Variants in NR4A3 observed in about 807,000 individuals in gnomAD.
The protein encoded by NR4A3 is nuclear receptor subfamily 4 group A member 3, also known as chondrosarcoma, extraskeletal myxoid, fused to EWS.
A neutral mutation model predicts 55.6 loss-of-function variants in NR4A3; 13 were observed. That is an observed-to-expected ratio of 0.23 (90% CI 0.15 to 0.37). The LOEUF (loss-of-function observed/expected upper bound fraction) is 0.37. Ranked by LOEUF, NR4A3 falls within the 10% of genes least tolerant of loss-of-function variation. NR4A3 has a pLI of 1.00. For missense variants in NR4A3, 646 were observed against 822.8 expected, an observed-to-expected ratio of 0.79 and a Z score of 2.63; for synonymous variants, 342 against 357.9, an observed-to-expected ratio of 0.96 and a Z score of 0.50.
At chr9:99,844,481 G>A (rs1827718372) in intron 5 of NR4A3, among the ~76,000 whole-genome samples, 168 bp from the exon 6 acceptor site, 1 of 152,212 alleles carries the variant, frequency 6.6e-6, no homozygotes, top group South Asian at 2.1e-4. Context: ...TGTATCACAG[G>A]GCCATTGTGA....
Position 99,828,310 on chromosome 9 carries a change from C to T in NR4A3, c.268C>T (p.Arg90Trp). Residue 90 changes from arginine (R) to tryptophan (W), a missense_variant, in exon 3 of 8, where the codon CGG becomes TGG. Arg to Trp is a moderately radical substitution (Grantham distance 101, BLOSUM62 -3). Around this residue, in one of 5 missense-constraint regions of NR4A3, gnomAD observed 426 missense variants for 429.4 expected, o/e 0.99. Transcript: ENST00000395097. The surrounding 1 kb of genome is among the most constrained non-coding windows in gnomAD (Gnocchi z 7.7). ...GCCCTTGATCAAAGTGGAGGAGGGG[C>T]GGGCGCCCAGCTACCATCACCATCA... ...QRPLIKVEEG[R>W]APSYHHHHHH... The T allele has an allele frequency of 6.8e-6, 11 of 1,612,726 alleles. No homozygotes were observed. The highest frequency in any genetic ancestry group is 9.3e-6 in the Non-Finnish European group (11 of 1,179,704).
intron 7 of NR4A3, among the ~76,000 whole-genome samples, chr9:99,862,960 C>G (rs1828033429): frequency 6.6e-6 from 1 of 151,996 alleles, no homozygotes; most frequent in Non-Finnish European, 1.5e-5. Flanking sequence ...AGGTGTAGGT[C>G]AACAGGGGTT....
intron 5 of NR4A3, among the ~76,000 whole-genome samples, chr9:99,841,856 G>T (rs541229346): frequency 6.6e-6 from 1 of 152,306 alleles, no homozygotes; most frequent in African/African-American, 2.4e-5. Context: ...TGTGGTTCCA[G>T]CTACTCAAGA....
Position 99,864,214 on chromosome 9 carries a change from T to G in NR4A3, c.*347T>G. ...GATAATATAACTGTTTTAAAACTCT[T>G]TCTGGGGAATCCAATTATAGTTGCT... On this transcript the variant is annotated 3_prime_UTR_variant, in exon 8 of 8. Coordinates refer to ENST00000395097, the MANE Select transcript of NR4A3 (RefSeq NM_006981.4). 1 of 267,878 alleles carries G rather than the reference T, an allele frequency of 3.7e-6. No individual in the cohort carries two copies. The allele number at this position is 267,878 out of a possible 1,614,324, so 16.6% of individuals were successfully genotyped here.
chr9:99,841,830 C>T (rs188665207), intron 5 of NR4A3, among the ~76,000 whole-genome samples: 1 of 152,184 alleles, frequency 6.6e-6, no homozygotes, highest in East Asian at 1.9e-4. Flanking sequence ...ATTAGATGGG[C>T]GTGGTGGTTC....
chr9:99,845,496 ATTG>A (rs1827737990), intron 6 of NR4A3, among the ~76,000 whole-genome samples: 1 of 152,110 alleles, frequency 6.6e-6, no homozygotes, highest in African/African-American at 2.4e-5. Context: ...TTATTTTATT[ATTG>A]TTTTTATTCA....
At chr9:99,863,517 T>TA in intron 7 of NR4A3, 103 bp from the exon 8 acceptor site, 2 of 1,397,318 alleles carry the variant, frequency 1.4e-6, no homozygotes, top group Non-Finnish European at 2.0e-6. Flanking sequence ...GCAAAGAAGC[T>TA]ATCCAAACTG....
intron 7 of NR4A3, among the ~76,000 whole-genome samples, chr9:99,849,394 G>A (rs191704515): frequency 4.5e-4 from 68 of 151,930 alleles, no homozygotes; most frequent in African/African-American, 1.6e-3. Flanking sequence ...ACTTCCAAGA[G>A]AGCCATTAAC....
chr9:99,840,788 A>G (rs1359454974), intron 5 of NR4A3, among the ~76,000 whole-genome samples: 3 of 152,178 alleles, frequency 2.0e-5, no homozygotes, highest in Admixed American at 2.0e-4. Flanking sequence ...GAGTTTCACA[A>G]GTAGCTCCCT....
intron 7 of NR4A3, among the ~76,000 whole-genome samples, chr9:99,850,265 G>A (rs1827825063): frequency 6.6e-6 from 1 of 152,198 alleles, no homozygotes; most frequent in African/African-American, 2.4e-5. Context: ...TGAGTTTTGG[G>A]CATAGATTAG....
intron 7 of NR4A3, among the ~76,000 whole-genome samples, chr9:99,856,674 G>C (rs541541585): frequency 3.9e-5 from 6 of 152,332 alleles, no homozygotes; most frequent in African/African-American, 1.4e-4. Flanking sequence ...TGAACACTAG[G>C]TGTGGACTCA....
At chr9:99,834,071 A>G (rs1304067973) in intron 5 of NR4A3, 6 of 1,029,872 alleles carry the variant, frequency 5.8e-6, no homozygotes, top group Non-Finnish European at 5.9e-6. Context: ...GGGTGTTCTG[A>G]ACACCAGTCA....
intron 7 of NR4A3, among the ~76,000 whole-genome samples, chr9:99,858,697 G>T (rs1279699493): frequency 6.6e-6 from 1 of 152,234 alleles, no homozygotes; most frequent in Non-Finnish European, 1.5e-5. Context: ...TCTGGACTTA[G>T]AGTAAAAGAA....
intron 5 of NR4A3, among the ~76,000 whole-genome samples, chr9:99,837,658 A>G (rs1827583368): frequency 6.6e-6 from 1 of 152,170 alleles, no homozygotes; most frequent in African/African-American, 2.4e-5. Context: ...TAGCTGCCCG[A>G]TCCCACTCCT....
intron 5 of NR4A3, among the ~76,000 whole-genome samples, chr9:99,835,526 G>A (rs1827543496): frequency 6.6e-6 from 1 of 152,224 alleles, no homozygotes; most frequent in Non-Finnish European, 1.5e-5. Flanking sequence ...CAGTTCATCT[G>A]AATTAGTGAA....
At chr9:99,848,872 T>A (rs1827802278) in intron 7 of NR4A3, among the ~76,000 whole-genome samples, 1 of 152,214 alleles carries the variant, frequency 6.6e-6, no homozygotes, top group Non-Finnish European at 1.5e-5. Flanking sequence ...GACCTCATTC[T>A]TTCTGGTCAG....
intron 5 of NR4A3, among the ~76,000 whole-genome samples, chr9:99,842,929 A>G (rs763532204): frequency 2.0e-5 from 3 of 152,258 alleles, no homozygotes; most frequent in Non-Finnish European, 4.4e-5. Context: ...CATGAGGATC[A>G]GTTCAGAAAA....
At chr9:99,838,886 T>A (rs1277424536) in intron 5 of NR4A3, among the ~76,000 whole-genome samples, 2 of 152,216 alleles carry the variant, frequency 1.3e-5, no homozygotes, top group African/African-American at 4.8e-5. Flanking sequence ...ACAACTCAAT[T>A]TTACCTTGAA....
At chr9:99,834,273 G>A (rs896795747) in intron 5 of NR4A3, among the ~76,000 whole-genome samples, 1 of 152,042 alleles carries the variant, frequency 6.6e-6, no homozygotes. Context: ...GATTTCCTGA[G>A]CAAATGAATA....
Sources: allele counts gnomAD v4.1 joint callset (sites outside exome capture counted in the v4.1 genomes callset), GRCh38; gene constraint gnomAD v4.1.1; regional missense constraint gnomAD v4.1.1; non-coding constraint Gnocchi (gnomAD v3.1); transcripts MANE v1.5; gene names NCBI Gene and HGNC (gene_info 2026-07-23, HGNC 2026-07-21).